MAP3K20: variants seen among roughly 807,000 people sequenced by gnomAD.
The protein encoded by MAP3K20 is HCCS-4.
MAP3K20 carries 40 observed loss-of-function variants against 85.7 expected under a neutral mutation model. The ratio of observed to expected loss-of-function variants is 0.47; its 90% CI spans 0.36 to 0.61. The LOEUF (loss-of-function observed/expected upper bound fraction) is 0.61, where lower values mean the gene tolerates loss of function less well. Among genes scored for constraint, MAP3K20 ranks in the 20% least tolerant of loss-of-function variants. The pLI is 0.00. For missense variants in MAP3K20, 817 were observed against 961.7 expected (o/e 0.85, Z 1.99); for synonymous variants, 325 against 327.7 (o/e 0.99, Z 0.09).
intron 2 of MAP3K20, among the ~76,000 whole-genome samples, chr2:173,126,050 A>G (rs1688433786): frequency 6.6e-6 from 1 of 152,178 alleles, no homozygotes; most frequent in African/African-American, 2.4e-5. Flanking sequence ...AAATTATACC[A>G]CTAGAATGAT....
At chr2:173,178,775 GA>G (rs1245444008) in intron 3 of MAP3K20, among the ~76,000 whole-genome samples, 8 of 152,096 alleles carry the variant, frequency 5.3e-5, no homozygotes, top group South Asian at 2.1e-4. Flanking sequence ...TACTCTTTCA[GA>G]AAATAGATGC....
At chr2:173,232,948 T>C (rs1684557214) in intron 14 of MAP3K20, among the ~76,000 whole-genome samples, 2 of 152,178 alleles carry the variant, frequency 1.3e-5, no homozygotes, top group Admixed American at 6.5e-5. Flanking sequence ...GGCACCCCTA[T>C]TCCTTCCTCA....
intron 2 of MAP3K20, among the ~76,000 whole-genome samples, chr2:173,147,880 C>A (rs1054111017): frequency 3.3e-5 from 5 of 152,144 alleles, no homozygotes; most frequent in Admixed American, 2.0e-4. Flanking sequence ...CCACCGTGCC[C>A]GGCCACTCCA....
chr2:173,243,772 C>G (rs1439475378), intron 16 of MAP3K20, among the ~76,000 whole-genome samples: 1 of 152,144 alleles, frequency 6.6e-6, no homozygotes, highest in East Asian at 1.9e-4. Context: ...TACAGGCTCC[C>G]GCCACCACGC....
chr2:173,113,562 T>C (rs944249487), intron 2 of MAP3K20, among the ~76,000 whole-genome samples: 1 of 152,214 alleles, frequency 6.6e-6, no homozygotes, highest in Non-Finnish European at 1.5e-5. Flanking sequence ...CTGCCTTTGC[T>C]GTATCCTAAA....
chr2:173,132,462 G>C (rs1688645711), intron 2 of MAP3K20, among the ~76,000 whole-genome samples: 1 of 152,078 alleles, frequency 6.6e-6, no homozygotes. Flanking sequence ...TCGGACTCCA[G>C]CTGAAATGCA....
rs189352951 is a variant in MAP3K20 at position 173,136,321 on chromosome 2, G to C, written c.160-33484G>C. 2.4e-4 allele frequency among the ~76,000 whole-genome samples: 37 copies of C among 152,252 alleles called. No homozygotes were observed. In the East Asian group the frequency reaches 6.9e-3, roughly 29 times the overall value. Reference sequence around the variant, plus strand: ...TTTCCCTCTTTTTGACTTAGTCACTGTCATAACAGAAAATGCATAATATGG... The same window carrying C: ...TTTCCCTCTTTTTGACTTAGTCACTCTCATAACAGAAAATGCATAATATGG... On this transcript the variant is annotated intron_variant, in intron 2 of 19. Transcript: ENST00000375213.
At chr2:173,101,911 T>C (rs941081317) in intron 2 of MAP3K20, among the ~76,000 whole-genome samples, 1 of 152,210 alleles carries the variant, frequency 6.6e-6, no homozygotes, top group Non-Finnish European at 1.5e-5. Flanking sequence ...ATCCAGTTTC[T>C]GTTTGAACAC....
intron 2 of MAP3K20, among the ~76,000 whole-genome samples, chr2:173,114,820 G>A (rs1053591894): frequency 3.9e-5 from 6 of 152,186 alleles, no homozygotes; most frequent in Non-Finnish European, 8.8e-5. Flanking sequence ...TAGTGCTTCT[G>A]TCTGACAGTT....
intron 1 of MAP3K20, among the ~76,000 whole-genome samples, chr2:173,078,138 AT>A (rs1344565124): frequency 2.6e-5 from 4 of 152,346 alleles, no homozygotes; most frequent in Non-Finnish European, 5.9e-5. Flanking sequence ...TGGACAGTTT[AT>A]TTTAGAAAGT....
At chr2:173,076,958 C>T (rs1037780781) in intron 1 of MAP3K20, among the ~76,000 whole-genome samples, 2 of 152,242 alleles carry the variant, frequency 1.3e-5, no homozygotes, top group South Asian at 4.1e-4. Context: ...TGTTAGATCG[C>T]TGAAAATGTT....
At chr2:173,134,417 TATATATATATA>T (rs1367363931) in intron 2 of MAP3K20, among the ~76,000 whole-genome samples, 6 of 19,936 alleles carry the variant, frequency 3.0e-4, no homozygotes, top group Admixed American at 6.1e-4. Context: ...TATATATATA[TATATATATATA>T]TTTTTTTTTT....
intron 3 of MAP3K20, among the ~76,000 whole-genome samples, chr2:173,176,787 G>A (rs1038054020): frequency 5.3e-5 from 8 of 152,116 alleles, no homozygotes; most frequent in Non-Finnish European, 7.4e-5. Context: ...ATCCAATTAT[G>A]TACTCTCTAC....
At chr2:173,226,472 A>T (rs4972399) in intron 11 of MAP3K20, 1 of 985,398 alleles carries the variant, frequency 1.0e-6, no homozygotes, top group Admixed American at 6.2e-5. Flanking sequence ...TTCCTGTTTA[A>T]GTGTTAAGCA....
intron 11 of MAP3K20, chr2:173,222,511 G>T (rs1269549422): frequency 4.2e-5 from 41 of 985,728 alleles, no homozygotes; most frequent in Admixed American, 6.2e-5. Flanking sequence ...AGAGAAAGAG[G>T]TGGTCTTAAG....
chr2:173,251,119 A>C (rs1000715282), intron 16 of MAP3K20, among the ~76,000 whole-genome samples: 5 of 152,148 alleles, frequency 3.3e-5, no homozygotes, highest in African/African-American at 1.2e-4. Context: ...CATGAACAAA[A>C]TTTTTATCGT....
intron 2 of MAP3K20, among the ~76,000 whole-genome samples, chr2:173,094,156 A>T (rs1388933645): frequency 2.0e-5 from 3 of 152,200 alleles, no homozygotes; most frequent in Admixed American, 1.3e-4. Flanking sequence ...AAATTTTTTT[A>T]AACCTAGAGA....
chr2:173,140,355 A>AT (rs61712003), intron 2 of MAP3K20, among the ~76,000 whole-genome samples: 3,563 of 140,986 alleles, frequency 0.025, 61 homozygotes, highest in Admixed American at 0.044. Context: ...AACTTTCCAG[A>AT]TTTTTTTTTT....
intron 14 of MAP3K20, among the ~76,000 whole-genome samples, chr2:173,232,862 C>T (rs140307256): frequency 2.0e-5 from 3 of 152,296 alleles, no homozygotes; most frequent in Non-Finnish European, 4.4e-5. Context: ...TTAGGGGCTG[C>T]AGATGGAAAC....
Sources: allele counts gnomAD v4.1 joint callset (sites outside exome capture counted in the v4.1 genomes callset), GRCh38; gene constraint gnomAD v4.1.1; transcripts MANE v1.5; gene names NCBI Gene and HGNC (gene_info 2026-07-23, HGNC 2026-07-21).